Variants in CASP4 observed in about 807,000 individuals in gnomAD.
CASP4 encodes the protein caspase 4.
CASP4 carries 29 observed loss-of-function variants against 41.3 expected under a neutral mutation model. The observed-to-expected ratio is 0.70, with a 90% confidence interval of 0.52 to 0.96. The LOEUF is 0.96. Ranked by LOEUF, CASP4 falls within the 40% of genes least tolerant of loss-of-function variation. The pLI, the probability that CASP4 is intolerant of heterozygous loss-of-function variation, is 0.00. For missense variants in CASP4, 447 were observed against 460.6 expected, an observed-to-expected ratio of 0.97 and a Z score of 0.27; for synonymous variants, 185 against 158.4, an observed-to-expected ratio of 1.17 and a Z score of -1.26.
intron 3 of CASP4, chr11:104,951,516 A>G (rs527780348): frequency 3.9e-6 from 1 of 258,016 alleles, no homozygotes; most frequent in South Asian, 5.8e-5. Flanking sequence ...AGCTTTAATT[A>G]TATTTCCCAA....
Position 104,947,188 on chromosome 11 carries a change from G to A in CASP4, c.930C>T (p.Asn310=). ...CCATTGTGCTGTCTCTCCAGGACAC[G>A]TTGTCTATAATGATACAGATGGGTA... ...FIAFCSSTPH[N]VSWRDSTMGS... Residue 310 remains asparagine (N), a synonymous_variant, in exon 7 of 9, where the codon AAC becomes AAT. Transcript: ENST00000444739. The A allele has an allele frequency of 3.1e-6, 5 of 1,588,896 alleles. No homozygotes were observed. Among genetic ancestry groups the A allele is most frequent in the East Asian group, 2.2e-5 (1 of 44,618 alleles).
At chr11:104,952,473 A>G (rs1860639529) in intron 2 of CASP4, among the ~76,000 whole-genome samples, 1 of 152,144 alleles carries the variant, frequency 6.6e-6, no homozygotes, top group South Asian at 2.1e-4. Flanking sequence ...AACAGGTAAA[A>G]TTAATTCTAA....
chr11:104,943,055 C>G (rs546056623), intron 8 of CASP4, 82 bp from the exon 9 acceptor site: 9 of 442,184 alleles, frequency 2.0e-5, no homozygotes, highest in African/African-American at 1.6e-4. Flanking sequence ...ATTCTTCTTG[C>G]ATCCTCTTCC....
At chr11:104,951,417 G>T (rs1328291199) in intron 3 of CASP4, 2 of 253,480 alleles carry the variant, frequency 7.9e-6, no homozygotes, top group East Asian at 1.7e-4. Flanking sequence ...GTTGACTCCA[G>T]TGAAAAATGA....
In CASP4 at chr11:104,968,569, C is replaced by A; in HGVS notation, c.-44G>T. On this transcript the variant is annotated 5_prime_UTR_variant, in exon 1 of 9. Coordinates refer to ENST00000444739, the MANE Select transcript of CASP4 (RefSeq NM_001225.4). ...TTTTTTACAGCGTTGGAAAGAGCCT[C>A]AGAGTCAAAAATGAAAGTAAACTAT... is the stretch of plus-strand genomic sequence containing the variant. 6.2e-7 allele frequency: 1 copy of A among 1,608,386 alleles called. No individual in the cohort carries two copies. Among genetic ancestry groups the A allele is most frequent in the Non-Finnish European group, 8.5e-7 (1 of 1,175,266 alleles).
chr11:104,943,237 A>G, intron 8 of CASP4: 2 of 282,554 alleles, frequency 7.1e-6, no homozygotes, highest in South Asian at 7.1e-5. Flanking sequence ...ATGTGATAAC[A>G]TAGAACCACG....
Position 104,948,614 on chromosome 11 carries a change from A to G in CASP4, c.844T>C (p.Ser282Pro). Residue 282 changes from serine (S) to proline (P), a missense_variant, in exon 6 of 9, where the codon TCA (serine) becomes CCA (proline). By Grantham distance (74) the Ser-to-Pro change is moderately conservative (BLOSUM62 -1). Transcript: ENST00000444739. ...GCATCTTCCTCTAGGTTCTCAGATGACTGTGAAGAGGCCACTTCCAAGGAT... is the reference window on the plus strand; with the variant it reads ...GCATCTTCCTCTAGGTTCTCAGATGGCTGTGAAGAGGCCACTTCCAAGGAT... ...PASLEVASSQ[S>P]SENLEEDAVY... 1.2e-6 allele frequency: 2 copies of G among 1,611,236 alleles called. No individual in the cohort carries two copies. Among genetic ancestry groups the G allele is most frequent in the Admixed American group, 3.3e-5 (2 of 59,884 alleles).
intron 6 of CASP4, 24 bp from the exon 7 acceptor site, chr11:104,947,216 C>A: frequency 1.5e-6 from 2 of 1,372,522 alleles, no homozygotes; most frequent in Non-Finnish European, 2.0e-6. Flanking sequence ...GATGGGTATG[C>A]CTTGGGCTAT....
Position 104,954,889 on chromosome 11 carries a change from C to T in CASP4, c.120G>A (p.Glu40=). The change falls in exon 2 of 9, where the codon GAG becomes GAA. Residue 40 remains glutamate, a synonymous_variant. Coordinates refer to ENST00000444739, the MANE Select transcript of CASP4 (RefSeq NM_001225.4). ...VEQNVLNWKE[E]EKKKYYDAKT... ...TAGCATCGTAATATTTCTTTTTTTC[C>T]TCTTCCTTCCAGTTCAGTACATTTT... is the stretch of plus-strand genomic sequence containing the variant. The T allele has an allele frequency of 6.2e-7, 1 of 1,613,732 alleles. No individual in the cohort carries two copies. Among genetic ancestry groups the T allele is most frequent in the Non-Finnish European group, 8.5e-7 (1 of 1,179,768 alleles).
chr11:104,943,964 T>C (rs1379846840), intron 8 of CASP4: 1 of 152,218 alleles, frequency 6.6e-6, no homozygotes, highest in Non-Finnish European at 1.5e-5. Flanking sequence ...TAGTGTTAAA[T>C]AAAGCTATTA....
At chr11:104,963,093 A>G (rs1056512684) in intron 1 of CASP4, among the ~76,000 whole-genome samples, 4 of 152,240 alleles carry the variant, frequency 2.6e-5, no homozygotes, top group Admixed American at 6.5e-5. Context: ...ACGAAATTTA[A>G]AAGGATTTTG....
chr11:104,966,965 AT>A (rs1318615549), intron 1 of CASP4, among the ~76,000 whole-genome samples: 13 of 152,202 alleles, frequency 8.5e-5, no homozygotes, highest in Non-Finnish European at 2.9e-5. Context: ...TATGGTAAGT[AT>A]TTTTTAAAGA....
At chr11:104,967,001 GTTA>G (rs1019533403) in intron 1 of CASP4, among the ~76,000 whole-genome samples, 6 of 152,056 alleles carry the variant, frequency 3.9e-5, no homozygotes, top group African/African-American at 9.7e-5. Context: ...ATTATTTTTT[GTTA>G]TTATAATAAT....
At chr11:104,952,958 G>T (rs143046086) in intron 2 of CASP4, among the ~76,000 whole-genome samples, 176 of 152,104 alleles carry the variant, frequency 1.2e-3, no homozygotes, top group African/African-American at 4.0e-3. Flanking sequence ...CTGGTCAGAG[G>T]GTATGTTTTC....
At chr11:104,953,013 A>G (rs1860652487) in intron 2 of CASP4, among the ~76,000 whole-genome samples, 1 of 152,160 alleles carries the variant, frequency 6.6e-6, no homozygotes, top group Admixed American at 6.6e-5. Flanking sequence ...GGTTTAGAGA[A>G]CTTCATAACT....
intron 1 of CASP4, among the ~76,000 whole-genome samples, chr11:104,958,531 C>G (rs1860786839): frequency 6.6e-6 from 1 of 152,184 alleles, no homozygotes; most frequent in African/African-American, 2.4e-5. Context: ...TGATCAACCT[C>G]TCTAGCCACC....
At chr11:104,962,758 T>C (rs1860888755) in intron 1 of CASP4, among the ~76,000 whole-genome samples, 1 of 152,232 alleles carries the variant, frequency 6.6e-6, no homozygotes, top group Admixed American at 6.5e-5. Flanking sequence ...CTTCTTGGAA[T>C]AGCAATAGAA....
intron 8 of CASP4, chr11:104,944,308 T>C (rs150851845): frequency 6.1e-6 from 1 of 164,586 alleles, no homozygotes; most frequent in Non-Finnish European, 1.3e-5. Context: ...TTACTCTGTT[T>C]TGTTTAGGGT....
chr11:104,962,140 C>CCTATGTTT (rs1225520100), intron 1 of CASP4, among the ~76,000 whole-genome samples: 1 of 152,146 alleles, frequency 6.6e-6, no homozygotes, highest in Non-Finnish European at 1.5e-5. Flanking sequence ...AAGAATCTTG[C>CCTATGTTT]CTATGTTTCC....
Sources: gnomAD v4.1 joint callset for allele counts (sites outside exome capture counted in the v4.1 genomes callset) on GRCh38, gnomAD v4.1.1 for gene constraint, MANE v1.5 for transcripts, NCBI Gene and HGNC (gene_info 2026-07-23, HGNC 2026-07-21) for gene names.